LDB2: variants seen among roughly 807,000 people sequenced by gnomAD.
LDB2 encodes LIM domain binding 2.
Under a neutral mutation model 44.3 loss-of-function variants are expected in LDB2, and 12 were observed. The ratio of observed to expected loss-of-function variants is 0.27; its 90% confidence interval spans 0.17 to 0.44. LDB2 has a LOEUF of 0.44. Ranked by LOEUF, LDB2 falls within the 20% of genes least tolerant of loss-of-function variation. LDB2 has a pLI of 1.00. For synonymous variants in LDB2, 164 were observed against 174.8 expected (o/e 0.94, Z 0.49); for missense variants, 344 against 473.5 (o/e 0.73, Z 2.54).
At chr4:16,718,105 T>A (rs1210975941) in intron 2 of LDB2, among the ~76,000 whole-genome samples, 1 of 152,112 alleles carries the variant, frequency 6.6e-6, no homozygotes, top group African/African-American at 2.4e-5. Context: ...GTGAATTTTA[T>A]TGGTGGGGGG....
chr4:16,831,169 C>T (rs1188575246), intron 1 of LDB2, among the ~76,000 whole-genome samples: 1 of 119,826 alleles, frequency 8.3e-6, no homozygotes, highest in Non-Finnish European at 1.7e-5. Context: ...CTCAGCCTCT[C>T]TGAGCTTTTT....
intron 2 of LDB2, among the ~76,000 whole-genome samples, chr4:16,684,653 T>A (rs1338925046): frequency 6.6e-6 from 1 of 152,232 alleles, no homozygotes; most frequent in East Asian, 1.9e-4. Context: ...AGTCTAGATC[T>A]AATATATTCA....
At chr4:16,674,121 T>C in intron 2 of LDB2, 2 of 671,380 alleles carry the variant, frequency 3.0e-6, no homozygotes, top group Non-Finnish European at 4.6e-6. Context: ...TGGAAAGATT[T>C]CCCTGAGAAT....
Position 16,844,881 on chromosome 4 carries a change from T to G in LDB2, c.132+53473A>C, listed in dbSNP as rs927217653. On this transcript the variant is annotated intron_variant, in intron 1 of 7. Coordinates refer to ENST00000304523, the MANE Select transcript of LDB2 (RefSeq NM_001290.5). ...TCAGGCTTGATACTGTATTAAACAT[T>G]CAGAGCAAATGGATTGTGGTCTGTG... 2.0e-5 allele frequency among the ~76,000 whole-genome samples: 3 copies of G among 152,302 alleles called. No individual in the cohort carries two copies. The East Asian group carries it at 5.8e-4, about 29-fold the overall frequency.
intron 1 of LDB2, among the ~76,000 whole-genome samples, chr4:16,878,094 T>G (rs1308121327): frequency 1.3e-5 from 2 of 152,202 alleles, no homozygotes; most frequent in African/African-American, 4.8e-5. Context: ...TTGTAAAAGT[T>G]AAAGCCAATC....
chr4:16,743,441 C>T (rs1339700879), intron 2 of LDB2, among the ~76,000 whole-genome samples: 2 of 152,096 alleles, frequency 1.3e-5, no homozygotes, highest in Non-Finnish European at 2.9e-5. Context: ...ATGAGTGGCT[C>T]TTGTGACTAT....
intron 5 of LDB2, chr4:16,581,317 C>T: frequency 5.4e-6 from 4 of 734,250 alleles, no homozygotes; most frequent in Non-Finnish European, 6.7e-6. Context: ...GCAACTTGCC[C>T]AGGGTCACAC....
At chr4:16,886,916 C>G (rs551089997) in intron 1 of LDB2, among the ~76,000 whole-genome samples, 112 of 151,216 alleles carry the variant, frequency 7.4e-4, no homozygotes, top group African/African-American at 2.6e-3. Flanking sequence ...ACCTGTAGTC[C>G]CAGCTACTCG....
chr4:16,505,827 A>G (rs1157877767), intron 7 of LDB2: 3 of 1,537,110 alleles, frequency 2.0e-6, no homozygotes, highest in Non-Finnish European at 1.8e-6. Flanking sequence ...TCCCCCGTGC[A>G]AAGACCACCA....
At position 16,706,899 on chromosome 4, in the gene LDB2, G is replaced by C. The variant is rs562991138; in HGVS notation, c.235+52259C>G. 3.3e-5 allele frequency among the ~76,000 whole-genome samples: 5 copies of C among 152,272 alleles called. No homozygotes were observed. The South Asian group carries it at 1.0e-3, about 32-fold the overall frequency. On this transcript the variant is annotated intron_variant, in intron 2 of 7. Transcript: ENST00000304523. ...TTAGGAAGTAGCTCATTATTGCTAA[G>C]TAGTGTACGAGCATAGCCTTTGTTC...
intron 1 of LDB2, among the ~76,000 whole-genome samples, chr4:16,891,456 G>A (rs546850857): frequency 1.3e-5 from 2 of 151,886 alleles, no homozygotes; most frequent in Admixed American, 1.3e-4. Flanking sequence ...GAGACTACAG[G>A]CGTGTGCCAC....
intron 5 of LDB2, among the ~76,000 whole-genome samples, chr4:16,550,386 T>C (rs1241096546): frequency 6.6e-6 from 1 of 152,240 alleles, no homozygotes; most frequent in Non-Finnish European, 1.5e-5. Context: ...GTAGGTCTTA[T>C]TCATCTCTGT....
intron 7 of LDB2, chr4:16,505,699 C>T: frequency 1.5e-5 from 10 of 658,136 alleles, no homozygotes; most frequent in Non-Finnish European, 2.2e-5. Flanking sequence ...CGAGAGACAA[C>T]AGCGAGCCAT....
intron 2 of LDB2, among the ~76,000 whole-genome samples, chr4:16,726,716 A>G (rs1472910939): frequency 2.0e-5 from 3 of 152,226 alleles, no homozygotes; most frequent in Non-Finnish European, 4.4e-5. Context: ...GCCATTTCCA[A>G]TCAAACAGAA....
rs376257297 is a variant in LDB2 at position 16,639,990 on chromosome 4, C to G, written c.236-44115G>C. On this transcript the variant is annotated intron_variant, in intron 2 of 7. Coordinates refer to ENST00000304523, the MANE Select transcript of LDB2 (RefSeq NM_001290.5). ...CAAACAACTTTACAATATTCTCACA[C>G]CAGTGAAGTTAGCTAATTCCCAAAT... 2.0e-5 allele frequency among the ~76,000 whole-genome samples: 3 copies of G among 152,174 alleles called. No individual in the cohort carries two copies. In the South Asian group the frequency reaches 6.2e-4, roughly 32 times the overall value.
At chr4:16,621,834 C>T (rs944897845) in intron 2 of LDB2, among the ~76,000 whole-genome samples, 1 of 152,184 alleles carries the variant, frequency 6.6e-6, no homozygotes, top group African/African-American at 2.4e-5. Context: ...GCTAGGATTA[C>T]AGGTGTAAAC....
intron 2 of LDB2, among the ~76,000 whole-genome samples, chr4:16,632,076 A>G (rs1361808164): frequency 6.6e-6 from 1 of 152,204 alleles, no homozygotes; most frequent in Admixed American, 6.5e-5. Flanking sequence ...ATCCTCCCTA[A>G]CTCATTTTAT....
intron 2 of LDB2, among the ~76,000 whole-genome samples, chr4:16,659,722 C>T (rs907825565): frequency 5.1e-5 from 7 of 137,772 alleles, no homozygotes; most frequent in Admixed American, 2.8e-4. Flanking sequence ...ACAAGGTAAT[C>T]GGCCTTCTGA....
At chr4:16,781,438 C>T (rs1773207425) in intron 1 of LDB2, among the ~76,000 whole-genome samples, 1 of 152,126 alleles carries the variant, frequency 6.6e-6, no homozygotes, top group South Asian at 2.1e-4. Flanking sequence ...TACGAGCCCT[C>T]AGCTGAGGGA....
Sources: allele counts gnomAD v4.1 joint callset (sites outside exome capture counted in the v4.1 genomes callset), GRCh38; gene constraint gnomAD v4.1.1; transcripts MANE v1.5; gene names NCBI Gene and HGNC (gene_info 2026-07-23, HGNC 2026-07-21).